Variants in RGS21 observed in about 807,000 individuals in gnomAD.
RGS21 encodes regulator of G protein signaling 21.
A neutral mutation model predicts 18.7 loss-of-function variants in RGS21; 19 were observed. The observed-to-expected ratio is 1.01, with a 90% CI of 0.71 to 1.49. RGS21 has a LOEUF of 1.49. RGS21 is among the 40% of genes most tolerant of loss of function. The pLI is 0.00. For missense variants in RGS21, 194 were observed against 176.8 expected, an observed-to-expected ratio of 1.10 and a Z score of -0.55; for synonymous variants, 56 against 57.8, an observed-to-expected ratio of 0.97 and a Z score of 0.14.
chr1:192,348,022 A>T (rs1187187120), intron 3 of RGS21, among the ~76,000 whole-genome samples: 57 of 141,160 alleles, frequency 4.0e-4, no homozygotes, highest in African/African-American at 1.3e-3. Flanking sequence ...ATATATATGT[A>T]TTTTTTTTTT....
chr1:192,347,512 C>A, intron 3 of RGS21, 123 bp downstream of exon 3: 1 of 537,492 alleles, frequency 1.9e-6, no homozygotes, highest in South Asian at 3.3e-5. Context: ...TATTAATAAT[C>A]ATAAATTCAT....
intron 1 of RGS21, among the ~76,000 whole-genome samples, chr1:192,319,152 G>T (rs1658461503): frequency 6.6e-6 from 1 of 152,084 alleles, no homozygotes. Flanking sequence ...GGGAGGCTGA[G>T]GAGGGAAGTG....
At chr1:192,341,765 C>CT (rs11285643) in intron 1 of RGS21, among the ~76,000 whole-genome samples, 45 of 142,560 alleles carry the variant, frequency 3.2e-4, no homozygotes, top group Middle Eastern at 3.6e-3. Context: ...TTGCATGGTT[C>CT]TTTTTTTTTT....
At position 192,366,355 on chromosome 1, in the gene RGS21, A is replaced by G; in HGVS notation, c.*231A>G. The G allele has an allele frequency of 2.4e-6, 1 of 425,402 alleles. No individual in the cohort carries two copies. The highest frequency in any genetic ancestry group is 4.2e-5 in the Admixed American group (1 of 23,782). The allele number at this position is 425,402 out of a possible 1,614,324, so 26.4% of individuals were successfully genotyped here. A position where few individuals can be genotyped will look rare whatever the true frequency, so the allele number is the denominator to read the frequency against. The stretch of plus-strand genomic sequence containing the variant: ...GGGGGAGTACAAAGAAAGTTTATAG[A>G]GATACAATATAGTCTTAAACCAAAA... On this transcript the variant is annotated 3_prime_UTR_variant, in exon 5 of 5. Transcript: ENST00000417209.
intron 1 of RGS21, among the ~76,000 whole-genome samples, chr1:192,327,467 A>G (rs561617917): frequency 2.7e-4 from 41 of 151,688 alleles, no homozygotes; most frequent in African/African-American, 9.9e-4. Context: ...CTTTTTTTTT[A>G]ATTTTTTTAT....
chr1:192,324,565 A>G (rs1280508577), intron 1 of RGS21, among the ~76,000 whole-genome samples: 1 of 152,072 alleles, frequency 6.6e-6, no homozygotes, highest in South Asian at 2.1e-4. Context: ...AAATCTGCAC[A>G]TAAAACACCA....
chr1:192,327,085 G>A (rs918782024), intron 1 of RGS21, among the ~76,000 whole-genome samples: 3 of 152,066 alleles, frequency 2.0e-5, no homozygotes, highest in Admixed American at 2.0e-4. Context: ...ATGTGTAGAA[G>A]CACATAAACT....
intron 4 of RGS21, among the ~76,000 whole-genome samples, chr1:192,362,068 C>G (rs1381343335): frequency 6.6e-6 from 1 of 151,972 alleles, no homozygotes; most frequent in East Asian, 1.9e-4. Context: ...ACTTTGGGAA[C>G]AGAGAGTAGT....
chr1:192,351,925 T>A (rs182774499), intron 3 of RGS21, 122 bp from the exon 4 acceptor site: 1 of 565,488 alleles, frequency 1.8e-6, no homozygotes, highest in Admixed American at 3.7e-5. Context: ...TACATTTAGA[T>A]GCAATGATCA....
At chr1:192,319,763 C>A (rs946828641) in intron 1 of RGS21, among the ~76,000 whole-genome samples, 18 of 152,088 alleles carry the variant, frequency 1.2e-4, no homozygotes, top group Non-Finnish European at 2.2e-4. Flanking sequence ...ACTTCTGCTA[C>A]AATGTGTGAT....
intron 1 of RGS21, among the ~76,000 whole-genome samples, chr1:192,337,413 T>C (rs967222036): frequency 6.6e-6 from 1 of 151,994 alleles, no homozygotes; most frequent in South Asian, 2.1e-4. Flanking sequence ...TTTTATTAAA[T>C]AAAAAATATT....
intron 1 of RGS21, among the ~76,000 whole-genome samples, chr1:192,331,381 G>A (rs1479278589): frequency 9.2e-5 from 14 of 151,906 alleles, no homozygotes; most frequent in Non-Finnish European, 4.4e-5. Flanking sequence ...GTGAAATCCC[G>A]TCTCTACTAA....
rs1430473669 is a variant in RGS21 at position 192,366,635 on chromosome 1, T to A, written c.*511T>A. ...GAAAACTGCTACGCCTCTCAAATTATATTTTTTAAATCACAGGAATGTATA... is the reference window on the plus strand; with the variant it reads ...GAAAACTGCTACGCCTCTCAAATTAAATTTTTTAAATCACAGGAATGTATA... On this transcript the variant is annotated 3_prime_UTR_variant, in exon 5 of 5. Coordinates refer to ENST00000417209, the MANE Select transcript of RGS21 (RefSeq NM_001039152.3). 6.6e-6 allele frequency: 1 copy of A among 152,474 alleles called. No individual in the cohort carries two copies. Among genetic ancestry groups the A allele is most frequent in the Non-Finnish European group, 1.5e-5 (1 of 68,296 alleles). The allele number at this position is 152,474 out of a possible 1,614,324, so 9.4% of individuals were successfully genotyped here. A position where few individuals can be genotyped will look rare whatever the true frequency, so the allele number is the denominator to read the frequency against.
At chr1:192,356,090 T>C (rs1647992976) in intron 4 of RGS21, among the ~76,000 whole-genome samples, 1 of 151,796 alleles carries the variant, frequency 6.6e-6, no homozygotes, top group Admixed American at 6.6e-5. Context: ...GTGAGGACAC[T>C]GTATCTCATA....
intron 4 of RGS21, among the ~76,000 whole-genome samples, chr1:192,355,393 T>C (rs533761462): frequency 6.6e-6 from 1 of 151,744 alleles, no homozygotes; most frequent in East Asian, 1.9e-4. Context: ...TAAGAACATA[T>C]GTAGATAAGC....
At position 192,348,009 on chromosome 1, in the gene RGS21, C is replaced by CATATATATAT. The variant is rs147266394; in HGVS notation, c.88+621_88+630dup. ...GTGTGTGTATACACACATACACATACATATATATATGTATTTTTTTTTTTT... is the reference window on the plus strand; with the variant it reads ...GTGTGTGTATACACACATACACATACATATATATATATATATATATGTATTTTTTTTTTTT... On this transcript the variant is annotated intron_variant, in intron 3 of 4. Transcript: ENST00000417209. 1.4e-3 allele frequency among the ~76,000 whole-genome samples: 211 copies of CATATATATAT among 146,984 alleles called. 1 individual carries two copies. Among genetic ancestry groups the CATATATATAT allele is most frequent in the African/African-American group, 4.8e-3 (186 of 39,046 alleles).
intron 1 of RGS21, among the ~76,000 whole-genome samples, chr1:192,318,096 T>TAAAAAAAAAA (rs1557971938): frequency 6.6e-6 from 1 of 152,092 alleles, no homozygotes; most frequent in Non-Finnish European, 1.5e-5. Flanking sequence ...TTAGTAAATA[T>TAAAAAAAAAA]TAATATATTC....
intron 4 of RGS21, among the ~76,000 whole-genome samples, chr1:192,355,846 T>C (rs999732423): frequency 6.6e-6 from 1 of 151,346 alleles, no homozygotes; most frequent in African/African-American, 2.4e-5. Context: ...ATCATTCCTC[T>C]ATATTGAAAA....
chr1:192,339,521 T>C (rs1658826687), intron 1 of RGS21, among the ~76,000 whole-genome samples: 1 of 151,948 alleles, frequency 6.6e-6, no homozygotes, highest in Non-Finnish European at 1.5e-5. Context: ...CCTAACCCTG[T>C]TTTTTTAATG....
Sources: gnomAD v4.1 joint callset for allele counts (sites outside exome capture counted in the v4.1 genomes callset) on GRCh38, gnomAD v4.1.1 for gene constraint, MANE v1.5 for transcripts, NCBI Gene and HGNC (gene_info 2026-07-23, HGNC 2026-07-21) for gene names.